The following CSDE1 variants were observed in gnomAD, a reference collection of about 807,000 sequenced individuals.
CSDE1 encodes cold shock domain containing E1, also known as cold shock domain-containing protein E1.
A neutral mutation model predicts 89.3 loss-of-function variants in CSDE1; 17 were observed. The observed-to-expected ratio is 0.19, with a 90% CI of 0.13 to 0.29. The LOEUF (loss-of-function observed/expected upper bound fraction) is 0.29, where lower values mean the gene tolerates loss of function less well. Among genes scored for constraint, CSDE1 ranks in the 10% least tolerant of loss-of-function variants. CSDE1 has a pLI of 1.00. For synonymous variants in CSDE1, 322 were observed against 332.8 expected, an observed-to-expected ratio of 0.97 and a Z score of 0.35; for missense variants, 672 against 984.2, an observed-to-expected ratio of 0.68 and a Z score of 4.24.
At chr1:114,732,946 C>T in intron 9 of CSDE1, 130 bp from the exon 10 acceptor site, 1 of 715,996 alleles carries the variant, frequency 1.4e-6, no homozygotes, top group Non-Finnish European at 2.3e-6. Context: ...AAGGTGTTGA[C>T]AACATAAGTC....
At chr1:114,735,534 G>A (rs1660352915) in intron 6 of CSDE1, among the ~76,000 whole-genome samples, 2 of 152,318 alleles carry the variant, frequency 1.3e-5, no homozygotes, top group Non-Finnish European at 2.9e-5. Flanking sequence ...AGGTAAGGCT[G>A]TTCTGAGATT....
intron 3 of CSDE1, among the ~76,000 whole-genome samples, chr1:114,739,037 T>C (rs1570933056): frequency 7.0e-6 from 1 of 143,268 alleles, no homozygotes; most frequent in Non-Finnish European, 1.5e-5. Context: ...AAGAGGTGAC[T>C]TTTTTTTTTT....
chr1:114,730,280 C>A lies in CSDE1; in HGVS notation c.1334G>T (p.Ser445Ile), dbSNP rs767985022. The A allele has an allele frequency of 3.1e-6, 5 of 1,613,726 alleles. No homozygotes were observed. The South Asian group carries it at 5.5e-5, about 18-fold the overall frequency. The change falls in exon 12 of 20, where the codon AGC (serine) becomes ATC (isoleucine). Residue 445 changes from serine (S) to isoleucine (I), a missense_variant. Transcript: ENST00000358528. ...EATFSNPKTTSPNKGKEKEAE... is the reference protein window; with the variant it reads ...EATFSNPKTTIPNKGKEKEAE... ...TACCTTCTCTTTGCCTTTATTTGGG[C>A]TAGTGGTTTTAGGATTGGAAAAAGT...
intron 1 of CSDE1, among the ~76,000 whole-genome samples, chr1:114,751,218 T>A (rs1002738684): frequency 1.3e-5 from 2 of 152,180 alleles, no homozygotes; most frequent in Non-Finnish European, 2.9e-5. Flanking sequence ...GAAATAAAAT[T>A]TATTTATCAG....
At chr1:114,728,750 T>C (rs1385666947) in intron 12 of CSDE1, among the ~76,000 whole-genome samples, 1 of 152,334 alleles carries the variant, frequency 6.6e-6, no homozygotes, top group African/African-American at 2.4e-5. Context: ...TTTAAACTAT[T>C]ACACAATCAT....
At position 114,737,503 on chromosome 1, in the gene CSDE1, G is replaced by A; in HGVS notation, c.370C>T (p.Pro124Ser). 1 of 1,613,884 alleles carries A rather than the reference G, an allele frequency of 6.2e-7. No individual in the cohort carries two copies. Among genetic ancestry groups the A allele is most frequent in the Non-Finnish European group, 8.5e-7 (1 of 1,179,960 alleles). ...CGTTCGTAGCATACACTCCCTGTTG[G>A]ACTCTGACCCGGGGCAGCTGGAGAT... ...SKSPAAPGQS[P>S]TGSVCYERNG... The change falls in exon 5 of 20, where the codon CCA becomes TCA. Residue 124 changes from proline (P) to serine (S), a missense_variant. By Grantham distance (74) the Pro-to-Ser change is moderately conservative. Transcript: ENST00000358528.
At chr1:114,726,142 T>C in intron 14 of CSDE1, 69 bp downstream of exon 14, 9 of 1,437,134 alleles carry the variant, frequency 6.3e-6, no homozygotes, top group Non-Finnish European at 8.5e-6. Flanking sequence ...CAATACTAAA[T>C]GTTTTTTATT....
chr1:114,725,342 A>G lies in CSDE1; in HGVS notation c.1641-9T>C, dbSNP rs866384960. ...CATCACCAGAGAACTCACTAAGGAG[A>G]AAGGAAATGACATTTAACTAAACAT... On this transcript the variant is annotated splice_polypyrimidine_tract_variant and intron_variant, in intron 14 of 19. Coordinates refer to ENST00000358528, the MANE Select transcript of CSDE1 (RefSeq NM_001007553.3). The G allele has an allele frequency of 6.2e-7, 1 of 1,600,754 alleles. No homozygotes were observed. Among genetic ancestry groups the G allele is most frequent in the Middle Eastern group, 1.7e-4 (1 of 6,034 alleles).
At position 114,738,077 on chromosome 1, in the gene CSDE1, A is replaced by T. The variant is rs1333092680; in HGVS notation, c.200-5T>A. 6.2e-7 allele frequency: 1 copy of T among 1,604,282 alleles called. No individual in the cohort carries two copies. Among genetic ancestry groups the T allele is most frequent in the Non-Finnish European group, 8.5e-7 (1 of 1,171,016 alleles). ...ATACTTCAAATTCAACATCATCTAA[A>T]AATAAATAATGTGTTATGTTTGTTG... is the stretch of plus-strand genomic sequence containing the variant. On this transcript the variant is annotated splice_polypyrimidine_tract_variant and splice_region_variant and intron_variant, in intron 3 of 19. Transcript: ENST00000358528.
At chr1:114,740,655 T>C (rs1453398272) in intron 2 of CSDE1, among the ~76,000 whole-genome samples, 1 of 152,220 alleles carries the variant, frequency 6.6e-6, no homozygotes, top group Admixed American at 6.5e-5. Context: ...AAATAGGAGC[T>C]ATTTAAAAGC....
intron 12 of CSDE1, 94 bp downstream of exon 12, chr1:114,730,164 C>T (rs780682046): frequency 5.4e-5 from 75 of 1,383,200 alleles, no homozygotes; most frequent in Admixed American, 6.8e-5. Context: ...AAGAGACAAA[C>T]TTCCGCTGAT....
At chr1:114,756,630 C>T (rs1349951477) in intron 1 of CSDE1, 2 of 152,156 alleles carry the variant, frequency 1.3e-5, no homozygotes, top group Non-Finnish European at 2.9e-5. Context: ...CAGTTCATAC[C>T]AGCCTGATGA....
chr1:114,723,953 T>C lies in CSDE1; in HGVS notation c.1803A>G (p.Val601=). The change falls in exon 16 of 20, where the codon GTA becomes GTG. Residue 601 remains valine (V), a synonymous_variant. Transcript: ENST00000358528. ...GATCAACACTCCTCAGGGGGCGAATTACTTTGCCAGAGTAAATGGTGGGAT... is the reference window on the plus strand; with the variant it reads ...GATCAACACTCCTCAGGGGGCGAATCACTTTGCCAGAGTAAATGGTGGGAT... ...EADPTIYSGK[V]IRPLRSVDPT... 6.2e-7 allele frequency: 1 copy of C among 1,614,088 alleles called. No individual in the cohort carries two copies. Among genetic ancestry groups the C allele is most frequent in the Non-Finnish European group, 8.5e-7 (1 of 1,179,944 alleles).
At position 114,719,760 on chromosome 1, in the gene CSDE1, G is replaced by A; in HGVS notation, c.2053-18C>T. ...AAGCCAAACTGAAAAAAAAAAGTAG[G>A]TAAAAAAGAGAGGGCATGCCACACC... On this transcript the variant is annotated intron_variant, in intron 17 of 19. Transcript: ENST00000358528. 6.2e-7 allele frequency: 1 copy of A among 1,605,076 alleles called. No homozygotes were observed. Among genetic ancestry groups the A allele is most frequent in the Non-Finnish European group, 8.5e-7 (1 of 1,177,574 alleles).
At chr1:114,755,230 G>A (rs1661526783) in intron 1 of CSDE1, among the ~76,000 whole-genome samples, 1 of 152,148 alleles carries the variant, frequency 6.6e-6, no homozygotes, top group Non-Finnish European at 1.5e-5. Flanking sequence ...CCACAGAGTA[G>A]GTATAAACTG....
In CSDE1 at chr1:114,727,109, A is replaced by G. The variant is rs1659839472; in HGVS notation, c.1357-19T>C. 1 of 1,526,508 alleles carries G rather than the reference A, an allele frequency of 6.6e-7. No homozygotes were observed. The highest frequency in any genetic ancestry group is 9.1e-7 in the Non-Finnish European group (1 of 1,102,436). 94.6% of individuals were successfully genotyped at this position (1,526,508 alleles called of 1,614,324 possible). A position where few individuals can be genotyped will look rare whatever the true frequency, so the allele number is the denominator to read the frequency against. On this transcript the variant is annotated intron_variant, in intron 12 of 19. Coordinates refer to ENST00000358528, the MANE Select transcript of CSDE1 (RefSeq NM_001007553.3). ...CAGCCTCCTAAAGAGATACAGTCAAAAACAGAATGAAAACAATCTCAAGAA... is the reference window on the plus strand; with the variant it reads ...CAGCCTCCTAAAGAGATACAGTCAAGAACAGAATGAAAACAATCTCAAGAA...
chr1:114,755,721 G>C (rs1661561188), intron 1 of CSDE1, among the ~76,000 whole-genome samples: 1 of 152,150 alleles, frequency 6.6e-6, no homozygotes, highest in African/African-American at 2.4e-5. Context: ...TTTCTGCAAG[G>C]ACAAAGCTAA....
At chr1:114,739,933 T>C (rs1660628477) in intron 2 of CSDE1, 43 bp from the exon 3 acceptor site, 1 of 1,501,000 alleles carries the variant, frequency 6.7e-7, no homozygotes, top group African/African-American at 1.4e-5. Context: ...CTGTACATTA[T>C]CTCCATAGCA....
chr1:114,741,689 A>G (rs1461407936), intron 2 of CSDE1: 3 of 1,505,012 alleles, frequency 2.0e-6, no homozygotes, highest in East Asian at 2.5e-5. Context: ...ATAACATAGC[A>G]TAATGTTGAT....
Sources: allele counts gnomAD v4.1 joint callset (sites outside exome capture counted in the v4.1 genomes callset), GRCh38; gene constraint gnomAD v4.1.1; transcripts MANE v1.5; gene names NCBI Gene and HGNC (gene_info 2026-07-23, HGNC 2026-07-21).